Variants in GRID2 observed in about 807,000 individuals in gnomAD.
GRID2 encodes glutamate receptor ionotropic, delta-2.
Under a neutral mutation model 114.8 loss-of-function variants are expected in GRID2, and 33 were observed. The observed-to-expected ratio is 0.29, with a 90% CI of 0.22 to 0.38. GRID2 has a LOEUF of 0.38. GRID2 is among the 10% of genes least tolerant of loss of function. The pLI, the probability that GRID2 is intolerant of heterozygous loss-of-function variation, is 1.00. For missense variants in GRID2, 1,184 were observed against 1,257.7 expected, an observed-to-expected ratio of 0.94 and a Z score of 0.89; for synonymous variants, 505 against 449.9, an observed-to-expected ratio of 1.12 and a Z score of -1.55.
chr4:93,219,505 G>A (rs1360079162), intron 6 of GRID2, among the ~76,000 whole-genome samples: 1 of 152,084 alleles, frequency 6.6e-6, no homozygotes, highest in African/African-American at 2.4e-5. Context: ...TTGAGGATTT[G>A]TTACATGTGA....
chr4:93,092,503 A>T (rs1214759268), intron 3 of GRID2, among the ~76,000 whole-genome samples: 4 of 152,076 alleles, frequency 2.6e-5, no homozygotes, highest in African/African-American at 9.7e-5. Context: ...CAAGTATTGC[A>T]TACAGTGCAG....
rs540864577 is a variant in GRID2, at chr4:93,804,134, A to T, written c.222-2581A>T. 7.6e-4 allele frequency among the ~76,000 whole-genome samples: 115 copies of T among 152,288 alleles called. No homozygotes were observed. In the Middle Eastern group the frequency reaches 0.01, roughly 14 times the overall value. On this transcript the variant is annotated intron_variant, in intron 1 of 1. Coordinates refer to the GRID2 transcript ENST00000637838. ...CCTGAATGTCAAGGTGTTCCTTAGG[A>T]TCTAAAACTAGGATGTAAAAATAAA...
intron 2 of GRID2, among the ~76,000 whole-genome samples, chr4:92,689,794 A>G (rs1734087996): frequency 6.6e-6 from 1 of 152,184 alleles, no homozygotes. Flanking sequence ...TTCACCTTGT[A>G]CCTTCATTTT....
At chr4:93,172,792 C>T (rs976208855) in intron 4 of GRID2, among the ~76,000 whole-genome samples, 1 of 152,028 alleles carries the variant, frequency 6.6e-6, no homozygotes, top group Non-Finnish European at 1.5e-5. Flanking sequence ...TTTAATTGCA[C>T]CAAGACCAAA....
intron 2 of GRID2, among the ~76,000 whole-genome samples, chr4:92,744,357 A>T (rs938028120): frequency 2.0e-5 from 3 of 151,844 alleles, no homozygotes; most frequent in African/African-American, 7.3e-5. Flanking sequence ...GTGTGGTGGC[A>T]CACGCCTGTA....
intron 2 of GRID2, among the ~76,000 whole-genome samples, chr4:92,996,547 AT>A (rs1755211491): frequency 6.6e-6 from 1 of 152,144 alleles, no homozygotes; most frequent in South Asian, 2.1e-4. Context: ...GTACATTTGC[AT>A]TGCATTGTAC....
At chr4:92,596,567 TCTAAAGA>T (rs1728964584) in intron 2 of GRID2, among the ~76,000 whole-genome samples, 1 of 152,056 alleles carries the variant, frequency 6.6e-6, no homozygotes, top group South Asian at 2.1e-4. Context: ...CCTGTCACAT[TCTAAAGA>T]CTGGGCCACA....
intron 4 of GRID2, among the ~76,000 whole-genome samples, chr4:93,185,899 C>T (rs1276982727): frequency 6.6e-6 from 1 of 151,916 alleles, no homozygotes; most frequent in Non-Finnish European, 1.5e-5. Flanking sequence ...CTCCCCCTGA[C>T]CCCCACCCCA....
chr4:93,112,816 T>A, intron 4 of GRID2, among the ~76,000 whole-genome samples: 1 of 152,162 alleles, frequency 6.6e-6, no homozygotes, highest in Non-Finnish European at 1.5e-5. Flanking sequence ...TGTAGATGAA[T>A]TCTTTTTCCA....
Position 93,146,702 on chromosome 4 carries a change from TAA to T in GRID2, c.735+35761_735+35762del, listed in dbSNP as rs60521618. On this transcript the variant is annotated intron_variant, in intron 4 of 15. Coordinates refer to ENST00000282020, the MANE Select transcript of GRID2 (RefSeq NM_001510.4). ...AGCCACTACAGGTACCTAAGTGATT[TAA>T]AAAAAAAAAAATCTTATACTTATAA... is the stretch of plus-strand genomic sequence containing the variant. Among the ~76,000 whole-genome samples, 646 of 151,038 alleles carry T rather than the reference TAA, an allele frequency of 4.3e-3. 3 individuals carry two copies. The highest frequency in any genetic ancestry group is 0.013 in the East Asian group (66 of 5,108).
intron 13 of GRID2, among the ~76,000 whole-genome samples, chr4:93,552,537 A>G (rs1733864947): frequency 6.6e-6 from 1 of 152,196 alleles, no homozygotes; most frequent in South Asian, 2.1e-4. Context: ...CCTCTCCAGC[A>G]CCTGTTGTTT....
intron 11 of GRID2, among the ~76,000 whole-genome samples, chr4:93,458,955 G>T (rs566086591): frequency 6.6e-6 from 1 of 151,878 alleles, no homozygotes; most frequent in Admixed American, 6.6e-5. Context: ...CGAGGCAGGC[G>T]GATCACCTGA....
rs944409551 is a variant in GRID2 at position 93,772,833 on chromosome 4, A to G, written c.*335A>G. On this transcript the variant is annotated 3_prime_UTR_variant, in exon 16 of 16. Transcript: ENST00000282020. Reference sequence around the variant, plus strand: ...TGAGTATACTAAAAGTATATGCAGGATTAATTTTACATAAAGGCCTCTTCT... The same window carrying G: ...TGAGTATACTAAAAGTATATGCAGGGTTAATTTTACATAAAGGCCTCTTCT... The G allele has an allele frequency of 1.8e-5, 4 of 219,222 alleles. No individual in the cohort carries two copies. The highest frequency in any genetic ancestry group is 3.6e-5 in the Non-Finnish European group (4 of 112,558). 13.6% of individuals were successfully genotyped at this position (219,222 alleles called of 1,614,324 possible). A position where few individuals can be genotyped will look rare whatever the true frequency, so the allele number is the denominator to read the frequency against.
Position 93,270,637 on chromosome 4 carries a change from G to GT in GRID2, c.1245+32156dup, listed in dbSNP as rs541489748. 5.5e-3 allele frequency among the ~76,000 whole-genome samples: 829 copies of GT among 150,464 alleles called. 2 individuals carry two copies. The highest frequency in any genetic ancestry group is 0.011 in the African/African-American group (453 of 41,036). Reference sequence around the variant, plus strand: ...CTTGTTTTTGTTTTTGTTTTGTTTTGTTTTTTTTTGAGGTGGAGTCTCATT... The same window carrying GT: ...CTTGTTTTTGTTTTTGTTTTGTTTTGTTTTTTTTTTGAGGTGGAGTCTCATT... On this transcript the variant is annotated intron_variant, in intron 8 of 15. Coordinates refer to ENST00000282020, the MANE Select transcript of GRID2 (RefSeq NM_001510.4).
At chr4:92,809,676 C>T (rs1323783948) in intron 2 of GRID2, among the ~76,000 whole-genome samples, 2 of 151,798 alleles carry the variant, frequency 1.3e-5, no homozygotes, top group Non-Finnish European at 2.9e-5. Flanking sequence ...ATTGGCAAAC[C>T]AAACAGAAAT....
At chr4:92,501,673 C>T (rs540156452) in intron 1 of GRID2, among the ~76,000 whole-genome samples, 3 of 152,266 alleles carry the variant, frequency 2.0e-5, no homozygotes, top group Admixed American at 6.5e-5. Flanking sequence ...CAGCCTTACC[C>T]TGTATGACCT....
At chr4:93,290,336 G>T (rs1753605296) in intron 8 of GRID2, among the ~76,000 whole-genome samples, 1 of 152,110 alleles carries the variant, frequency 6.6e-6, no homozygotes, top group Admixed American at 6.5e-5. Flanking sequence ...GGGGTTTTAG[G>T]AGATGATTCT....
Position 93,123,412 on chromosome 4 carries a change from G to A in GRID2, c.735+12459G>A, listed in dbSNP as rs530067225. On this transcript the variant is annotated intron_variant, in intron 4 of 15. Coordinates refer to ENST00000282020, the MANE Select transcript of GRID2 (RefSeq NM_001510.4). The stretch of plus-strand genomic sequence containing the variant: ...AAATCACAGTTGCTTCAACCTTCAA[G>A]ACAAGAAAATTGAAATCCTTCTCTA... 6.4e-3 allele frequency among the ~76,000 whole-genome samples: 970 copies of A among 152,136 alleles called. 7 individuals carry two copies. The highest frequency in any genetic ancestry group is 0.014 in the Middle Eastern group (4 of 294).
At chr4:92,340,410 T>A (rs1016962794) in intron 1 of GRID2, among the ~76,000 whole-genome samples, 4 of 152,184 alleles carry the variant, frequency 2.6e-5, no homozygotes, top group African/African-American at 9.6e-5. Context: ...TCAATTCTGA[T>A]CTTGGTGCAC....
Sources: allele counts gnomAD v4.1 joint callset (sites outside exome capture counted in the v4.1 genomes callset), GRCh38; gene constraint gnomAD v4.1.1; transcripts MANE v1.5; gene names NCBI Gene and HGNC (gene_info 2026-07-23, HGNC 2026-07-21).